LYPD6: variants seen among roughly 807,000 people sequenced by gnomAD.
The protein encoded by LYPD6 is LY6/PLAUR domain containing 6.
Under a neutral mutation model 22.7 loss-of-function variants are expected in LYPD6, and 15 were observed. The observed-to-expected ratio is 0.66, with a 90% CI of 0.44 to 1.02. LYPD6 has a LOEUF of 1.02. Among genes scored for constraint, LYPD6 ranks in the 50% least tolerant of loss-of-function variants. The pLI is 0.00. For synonymous variants in LYPD6, 72 were observed against 77.5 expected (o/e 0.93, Z 0.37); for missense variants, 189 against 208.4 (o/e 0.91, Z 0.57).
chr2:149,467,325 G>A (rs920588739), intron 3 of LYPD6, among the ~76,000 whole-genome samples: 1 of 152,178 alleles, frequency 6.6e-6, no homozygotes, highest in African/African-American at 2.4e-5. Flanking sequence ...ACTCTGCCCA[G>A]GCACACCTGC....
chr2:149,479,254 A>G, the LYPD6 span, among the ~76,000 whole-genome samples: 3 of 152,170 alleles, frequency 2.0e-5, no homozygotes, highest in Admixed American at 1.3e-4. Context: ...CCTGCCTTCT[A>G]TACAAATTTA....
chr2:149,403,557 C>T (rs1371161768), intron 1 of LYPD6, among the ~76,000 whole-genome samples: 25 of 136,306 alleles, frequency 1.8e-4, no homozygotes, highest in East Asian at 6.0e-4. Context: ...TCATGTCCTT[C>T]GCCCACTTTT....
intron 1 of LYPD6, among the ~76,000 whole-genome samples, chr2:149,419,432 G>T (rs1417714490): frequency 6.6e-6 from 1 of 152,154 alleles, no homozygotes; most frequent in Admixed American, 6.5e-5. Context: ...CTACTGTCCA[G>T]TACTGTAGCC....
chr2:149,336,740 T>C (rs879847581), intron 1 of LYPD6, among the ~76,000 whole-genome samples: 3 of 152,222 alleles, frequency 2.0e-5, no homozygotes, highest in Non-Finnish European at 2.9e-5. Context: ...TAAACACATA[T>C]TCTTATAAGA....
At chr2:149,353,328 G>A (rs911540799) in intron 1 of LYPD6, among the ~76,000 whole-genome samples, 2 of 152,130 alleles carry the variant, frequency 1.3e-5, no homozygotes, top group East Asian at 1.9e-4. Flanking sequence ...GTTCCAAAAC[G>A]AAAACCTCAC....
At chr2:149,449,188 C>CCAG in intron 3 of LYPD6, 41 bp downstream of exon 3, 3 of 1,389,696 alleles carry the variant, frequency 2.2e-6, no homozygotes, top group Non-Finnish European at 3.0e-6. Context: ...CTGGGCTGTC[C>CCAG]GTGAGTGAAC....
intron 3 of LYPD6, among the ~76,000 whole-genome samples, chr2:149,456,230 A>C (rs1400777045): frequency 6.6e-6 from 1 of 152,112 alleles, no homozygotes; most frequent in South Asian, 2.1e-4. Flanking sequence ...TCTTGAGTCT[A>C]TTTTCTTTCA....
intron 1 of LYPD6, among the ~76,000 whole-genome samples, chr2:149,423,048 A>G (rs1683114051): frequency 6.6e-6 from 1 of 152,128 alleles, no homozygotes; most frequent in South Asian, 2.1e-4. Flanking sequence ...TGATCTTTAT[A>G]AAATGTAATG....
intron 1 of LYPD6, among the ~76,000 whole-genome samples, chr2:149,384,836 G>T (rs953544102): frequency 6.6e-6 from 1 of 151,410 alleles, no homozygotes; most frequent in South Asian, 2.1e-4. Context: ...CCATTAACTC[G>T]TCATTTAGCA....
At chr2:149,344,767 A>G (rs993071445) in intron 1 of LYPD6, among the ~76,000 whole-genome samples, 2 of 152,300 alleles carry the variant, frequency 1.3e-5, no homozygotes, top group South Asian at 2.1e-4. Context: ...GGAGGAAGGT[A>G]TAGACATCCA....
intron 2 of LYPD6, among the ~76,000 whole-genome samples, chr2:149,438,075 C>T (rs970108599): frequency 7.2e-5 from 11 of 152,222 alleles, no homozygotes; most frequent in Admixed American, 2.0e-4. Context: ...TGATTCTGAA[C>T]ACTCTTCCCC....
intron 1 of LYPD6, among the ~76,000 whole-genome samples, chr2:149,376,353 A>C (rs1395572949): frequency 6.6e-6 from 1 of 152,106 alleles, no homozygotes; most frequent in Non-Finnish European, 1.5e-5. Flanking sequence ...AATAAATGGA[A>C]TTAGAAGTCC....
intron 1 of LYPD6, among the ~76,000 whole-genome samples, chr2:149,363,546 A>G (rs1460572376): frequency 6.6e-6 from 1 of 152,214 alleles, no homozygotes; most frequent in Non-Finnish European, 1.5e-5. Context: ...CTAGTGTGAT[A>G]TGTCGTGAAG....
chr2:149,361,462 G>C (rs555828388), intron 1 of LYPD6, among the ~76,000 whole-genome samples: 1 of 152,266 alleles, frequency 6.6e-6, no homozygotes, highest in East Asian at 1.9e-4. Context: ...TTATGCCAAA[G>C]AGGCATACTT....
At chr2:149,400,652 CTTAA>C (rs1326806441) in intron 1 of LYPD6, among the ~76,000 whole-genome samples, 1 of 152,052 alleles carries the variant, frequency 6.6e-6, no homozygotes, top group Non-Finnish European at 1.5e-5. Flanking sequence ...ACGTTTGCTA[CTTAA>C]TTATAACAGC....
At chr2:149,479,355 T>A in the LYPD6 span, among the ~76,000 whole-genome samples, 1 of 152,192 alleles carries the variant, frequency 6.6e-6, no homozygotes. Context: ...TATTTAAGTT[T>A]CCAGCCATTT....
intron 1 of LYPD6, among the ~76,000 whole-genome samples, chr2:149,356,200 A>G (rs891487781): frequency 2.6e-5 from 4 of 151,914 alleles, no homozygotes; most frequent in Non-Finnish European, 5.9e-5. Flanking sequence ...CACATCTCAT[A>G]GTTTATGCCA....
chr2:149,484,056 G>A, the LYPD6 span, among the ~76,000 whole-genome samples: 1 of 152,164 alleles, frequency 6.6e-6, no homozygotes, highest in Non-Finnish European at 1.5e-5. Flanking sequence ...TCTTAACTCT[G>A]GGCACACAGT....
intron 1 of LYPD6, among the ~76,000 whole-genome samples, chr2:149,362,948 G>A (rs923313731): frequency 1.3e-5 from 2 of 152,074 alleles, no homozygotes; most frequent in African/African-American, 4.8e-5. Flanking sequence ...CCTGGTATAG[G>A]GAAGCACCTC....
Sources: gnomAD v4.1 joint callset for allele counts (sites outside exome capture counted in the v4.1 genomes callset) on GRCh38, gnomAD v4.1.1 for gene constraint, MANE v1.5 for transcripts, NCBI Gene and HGNC (gene_info 2026-07-23, HGNC 2026-07-21) for gene names.